Variants in RBFOX1 observed in about 807,000 individuals in gnomAD.
The protein encoded by RBFOX1 is RNA binding fox-1 homolog 1, also known as RNA binding protein fox-1 homolog 1.
Under a neutral mutation model 57.7 loss-of-function variants are expected in RBFOX1, and 8 were observed. The ratio of observed to expected loss-of-function variants is 0.14; its 90% CI spans 0.08 to 0.25. The LOEUF (loss-of-function observed/expected upper bound fraction) is 0.25. Among genes scored for constraint, RBFOX1 ranks in the 10% least tolerant of loss-of-function variants. RBFOX1 has a pLI of 1.00. For synonymous variants in RBFOX1, 326 were observed against 222.4 expected (o/e 1.47, Z -4.15); for missense variants, 611 against 548.5 (o/e 1.11, Z -1.14).
intron 3 of RBFOX1, among the ~76,000 whole-genome samples, chr16:6,813,564 G>C (rs930702309): frequency 6.6e-4 from 101 of 152,200 alleles, no homozygotes; most frequent in African/African-American, 2.3e-3. Flanking sequence ...ATCTCACTAA[G>C]TGTCTCTTTC....
At chr16:7,078,114 G>C (rs1031709055) in intron 4 of RBFOX1, among the ~76,000 whole-genome samples, 1 of 152,122 alleles carries the variant, frequency 6.6e-6, no homozygotes, top group Non-Finnish European at 1.5e-5. Context: ...CATGAGAAAG[G>C]CTGGTAACTC....
At chr16:6,169,128 C>T (rs2096939668) in intron 1 of RBFOX1, among the ~76,000 whole-genome samples, 1 of 152,104 alleles carries the variant, frequency 6.6e-6, no homozygotes, top group South Asian at 2.1e-4. Flanking sequence ...GGCAGATTAG[C>T]AAGGGGATTG....
At chr16:6,846,110 CTTTG>C (rs137949485) in intron 3 of RBFOX1, among the ~76,000 whole-genome samples, 2,365 of 152,266 alleles carry the variant, frequency 0.016, 63 homozygotes, top group African/African-American at 0.053. Flanking sequence ...TAGGTATAGT[CTTTG>C]TTTTTCATTC....
chr16:5,740,763 C>G (rs1444028524), intron 3 of RBFOX1, among the ~76,000 whole-genome samples: 1 of 152,180 alleles, frequency 6.6e-6, no homozygotes, highest in African/African-American at 2.4e-5. Context: ...CACATGCTTT[C>G]AAGGTGAAGT....
intron 3 of RBFOX1, among the ~76,000 whole-genome samples, chr16:5,787,432 C>A (rs2054541944): frequency 2.0e-5 from 3 of 152,128 alleles, no homozygotes; most frequent in Admixed American, 6.5e-5. Context: ...ACAAACTGGT[C>A]ATCTGAATAA....
intron 4 of RBFOX1, among the ~76,000 whole-genome samples, chr16:7,110,084 T>C (rs561489633): frequency 6.6e-6 from 1 of 151,576 alleles, no homozygotes; most frequent in East Asian, 2.0e-4. Context: ...GTGTGGTGGC[T>C]CAGGCATGTA....
intron 4 of RBFOX1, among the ~76,000 whole-genome samples, chr16:7,458,419 A>T (rs1219667531): frequency 1.3e-5 from 2 of 152,156 alleles, no homozygotes; most frequent in African/African-American, 4.8e-5. Flanking sequence ...TCATGTTCTG[A>T]GAAAGAAAAT....
chr16:6,301,992 G>A (rs376612193), intron 1 of RBFOX1, among the ~76,000 whole-genome samples: 1 of 152,010 alleles, frequency 6.6e-6, no homozygotes, highest in Non-Finnish European at 1.5e-5. Flanking sequence ...ATCAGAAACC[G>A]AGCTTTGTTT....
chr16:6,915,989 AAAGCT>A (rs1392409614), intron 3 of RBFOX1, among the ~76,000 whole-genome samples: 5 of 148,418 alleles, frequency 3.4e-5, no homozygotes, highest in African/African-American at 1.2e-4. Flanking sequence ...TTTGACATTA[AAAGCT>A]GTTTTACTGG....
chr16:7,163,731 A>G (rs1228090540), intron 4 of RBFOX1, among the ~76,000 whole-genome samples: 1 of 151,928 alleles, frequency 6.6e-6, no homozygotes, highest in African/African-American at 2.4e-5. Flanking sequence ...ATCTCATCTC[A>G]CTGCAACCTC....
intron 3 of RBFOX1, among the ~76,000 whole-genome samples, chr16:6,697,460 T>G (rs2061223356): frequency 6.6e-6 from 1 of 152,166 alleles, no homozygotes; most frequent in African/African-American, 2.4e-5. Context: ...GAGACTGACT[T>G]CAGGAATTAA....
intron 2 of RBFOX1, among the ~76,000 whole-genome samples, chr16:6,365,327 G>C (rs1416655948): frequency 6.6e-6 from 1 of 151,128 alleles, no homozygotes; most frequent in Admixed American, 6.6e-5. Flanking sequence ...TGGGTGGATG[G>C]GTGGGTGGAT....
intron 2 of RBFOX1, among the ~76,000 whole-genome samples, chr16:5,477,537 C>G (rs376483973): frequency 2.6e-5 from 4 of 152,156 alleles, no homozygotes; most frequent in East Asian, 1.9e-4. Context: ...ATTGCACGGG[C>G]TGTTTCTCTT....
intron 4 of RBFOX1, among the ~76,000 whole-genome samples, chr16:7,180,295 C>A (rs1052760420): frequency 5.9e-5 from 9 of 152,056 alleles, no homozygotes; most frequent in African/African-American, 1.7e-4. Context: ...AGGGAGGGTG[C>A]TATAATTATT....
At chr16:6,756,563 T>G (rs1273458586) in intron 3 of RBFOX1, among the ~76,000 whole-genome samples, 1 of 152,222 alleles carries the variant, frequency 6.6e-6, no homozygotes, top group Non-Finnish European at 1.5e-5. Flanking sequence ...TGCAAGCTAT[T>G]CAGTCAACTC....
At chr16:7,036,884 G>A (rs2044635955) in intron 3 of RBFOX1, among the ~76,000 whole-genome samples, 1 of 152,124 alleles carries the variant, frequency 6.6e-6, no homozygotes, top group Admixed American at 6.5e-5. Context: ...GAGCCCCTTG[G>A]GGCTGCTTGT....
intron 2 of RBFOX1, among the ~76,000 whole-genome samples, chr16:6,454,392 A>G (rs1464980228): frequency 1.3e-5 from 2 of 152,054 alleles, no homozygotes; most frequent in Non-Finnish European, 2.9e-5. Flanking sequence ...CCATATCTCT[A>G]CTAAAAATAC....
At chr16:7,583,664 C>G (rs2093941911) in intron 6 of RBFOX1, among the ~76,000 whole-genome samples, 2 of 152,102 alleles carry the variant, frequency 1.3e-5, no homozygotes, top group African/African-American at 4.8e-5. Context: ...ATTCCACAGC[C>G]TTACTTTAGG....
chr16:5,548,529 A>C (rs1413595119), intron 2 of RBFOX1, among the ~76,000 whole-genome samples: 1 of 152,114 alleles, frequency 6.6e-6, no homozygotes, highest in East Asian at 1.9e-4. Context: ...TGTAACTCAG[A>C]GGATAAATGC....
Sources: gnomAD v4.1 joint callset for allele counts (sites outside exome capture counted in the v4.1 genomes callset) on GRCh38, gnomAD v4.1.1 for gene constraint, MANE v1.5 for transcripts, NCBI Gene and HGNC (gene_info 2026-07-23, HGNC 2026-07-21) for gene names.